PTPRD: variants seen among roughly 807,000 people sequenced by gnomAD.
PTPRD encodes the protein receptor-type tyrosine-protein phosphatase delta.
Under a neutral mutation model 214.5 loss-of-function variants are expected in PTPRD, and 34 were observed. That is an observed-to-expected ratio of 0.16 (90% CI 0.12 to 0.21). PTPRD has a LOEUF of 0.21. Ranked by LOEUF, PTPRD falls within the 10% of genes least tolerant of loss-of-function variation. The pLI is 1.00. For missense variants in PTPRD, 2,545 were observed against 2,398.7 expected (o/e 1.06, Z -1.27); for synonymous variants, 1,128 against 845.7 (o/e 1.33, Z -5.79).
At chr9:10,031,647 T>TATATATATATATATATATATAC in intron 4 of PTPRD, among the ~76,000 whole-genome samples, 14 of 89,642 alleles carry the variant, frequency 1.6e-4, no homozygotes, top group African/African-American at 2.4e-4. Context: ...TATATATATA[T>TATATATATATATATATATATAC]ACACACACAC....
intron 39 of PTPRD, among the ~76,000 whole-genome samples, chr9:8,373,884 ATCTATCTATCT>A (rs2082368710): frequency 1.4e-4 from 14 of 100,586 alleles, no homozygotes; most frequent in Non-Finnish European, 8.4e-5. Context: ...CTATCTATCT[ATCTATCTATCT>A]ATCTATCTAT....
At chr9:8,453,580 C>T (rs1217608180) in intron 33 of PTPRD, among the ~76,000 whole-genome samples, 1 of 152,230 alleles carries the variant, frequency 6.6e-6, no homozygotes, top group Non-Finnish European at 1.5e-5. Context: ...GAGATGTCCA[C>T]ACAAAGAAGA....
intron 11 of PTPRD, among the ~76,000 whole-genome samples, chr9:8,881,366 A>C (rs1215109424): frequency 6.6e-6 from 1 of 152,216 alleles, no homozygotes; most frequent in Admixed American, 6.5e-5. Context: ...ACTCACTTCT[A>C]ATATATCCAT....
chr9:9,651,207 G>A (rs997181958), intron 7 of PTPRD, among the ~76,000 whole-genome samples: 1 of 152,022 alleles, frequency 6.6e-6, no homozygotes, highest in Non-Finnish European at 1.5e-5. Context: ...TTTTGGCTGT[G>A]TGCATTTAAC....
At chr9:10,086,798 T>C (rs1428438815) in intron 3 of PTPRD, among the ~76,000 whole-genome samples, 2 of 151,846 alleles carry the variant, frequency 1.3e-5, no homozygotes, top group African/African-American at 4.8e-5. Context: ...TAATTTGCTT[T>C]CATTTCAGGA....
chr9:10,048,312 C>A (rs986548161), intron 3 of PTPRD, among the ~76,000 whole-genome samples: 1 of 152,068 alleles, frequency 6.6e-6, no homozygotes, highest in African/African-American at 2.4e-5. Flanking sequence ...AATAAGTACT[C>A]AAGACTCACT....
At chr9:9,068,868 C>T (rs1273153165) in intron 10 of PTPRD, among the ~76,000 whole-genome samples, 5 of 152,036 alleles carry the variant, frequency 3.3e-5, no homozygotes, top group Non-Finnish European at 2.9e-5. Context: ...CCTTGACCCC[C>T]CAAAGTATTT....
chr9:10,581,138 C>T (rs1005619880), intron 2 of PTPRD, among the ~76,000 whole-genome samples: 1 of 152,082 alleles, frequency 6.6e-6, no homozygotes, highest in Admixed American at 6.6e-5. Flanking sequence ...GGACAATATC[C>T]TTATCCCACA....
intron 11 of PTPRD, among the ~76,000 whole-genome samples, chr9:8,934,489 AT>A (rs2098981031): frequency 1.1e-4 from 1 of 9,476 alleles, no homozygotes; most frequent in African/African-American, 3.7e-4. Context: ...ATATATATAT[AT>A]ATAAATATAT....
chr9:9,536,120 A>T (rs984766270), intron 8 of PTPRD, among the ~76,000 whole-genome samples: 7 of 152,056 alleles, frequency 4.6e-5, no homozygotes, highest in African/African-American at 1.7e-4. Flanking sequence ...CCTAAGACAT[A>T]TCAAGATAAT....
intron 2 of PTPRD, among the ~76,000 whole-genome samples, chr9:10,572,572 T>C (rs1446732716): frequency 6.6e-6 from 1 of 152,166 alleles, no homozygotes; most frequent in African/African-American, 2.4e-5. Context: ...CATAAAGCTG[T>C]CAGCATGTAG....
chr9:9,734,892 A>G (rs778303863), intron 6 of PTPRD, among the ~76,000 whole-genome samples: 1 of 152,118 alleles, frequency 6.6e-6, no homozygotes, highest in Non-Finnish European at 1.5e-5. Flanking sequence ...TATTAAATGC[A>G]CTTGAAATTC....
intron 5 of PTPRD, among the ~76,000 whole-genome samples, chr9:9,885,302 T>A (rs575665965): frequency 2.0e-5 from 3 of 152,076 alleles, no homozygotes; most frequent in Non-Finnish European, 2.9e-5. Context: ...CAAAGTAAGA[T>A]AAGGCCAACG....
intron 37 of PTPRD, among the ~76,000 whole-genome samples, chr9:8,379,278 G>A (rs1440908286): frequency 6.6e-6 from 1 of 152,090 alleles, no homozygotes. Flanking sequence ...GGGATTAGAA[G>A]CTTTTCCTGA....
chr9:10,198,359 A>G (rs2099406236), intron 3 of PTPRD, among the ~76,000 whole-genome samples: 1 of 152,170 alleles, frequency 6.6e-6, no homozygotes, highest in Non-Finnish European at 1.5e-5. Context: ...GTGGTCAGGC[A>G]TGAATGATAG....
In PTPRD at chr9:9,894,191, C is replaced by T. The variant is rs368021492; in HGVS notation, c.-368+44316G>A. 6.2e-4 allele frequency among the ~76,000 whole-genome samples: 94 copies of T among 152,184 alleles called. 1 individual carries two copies. In the East Asian group the frequency reaches 8.9e-3, roughly 14 times the overall value. On this transcript the variant is annotated intron_variant, in intron 5 of 45. Coordinates refer to ENST00000381196, the MANE Select transcript of PTPRD (RefSeq NM_002839.4). ...TATCTATCATTTCTCCCCTAAACTC[C>T]TTCAACAGCCTCCTGGCTGGTCTCT... is the stretch of plus-strand genomic sequence containing the variant.
intron 8 of PTPRD, among the ~76,000 whole-genome samples, chr9:9,486,640 G>A (rs7468626): frequency 0.042 from 6,411 of 151,450 alleles, 156 homozygotes; most frequent in Non-Finnish European, 0.061. Flanking sequence ...ACCATATTCC[G>A]TCTACAAACA....
chr9:8,809,543 G>A (rs1463685501), intron 11 of PTPRD, among the ~76,000 whole-genome samples: 1 of 152,060 alleles, frequency 6.6e-6, no homozygotes, highest in Non-Finnish European at 1.5e-5. Context: ...CTCAACCACT[G>A]ACTATTTTCC....
rs537361352 is a variant in PTPRD at position 9,824,179 on chromosome 9, T to A, written c.-367-57328A>T. On this transcript the variant is annotated intron_variant, in intron 5 of 45. Coordinates refer to ENST00000381196, the MANE Select transcript of PTPRD (RefSeq NM_002839.4). ...AGGTATCTCATTATGTATTTGCAAG[T>A]TATCAAAAAAAAAATTCAGAAATCC... Among the ~76,000 whole-genome samples the A allele has an allele frequency of 4.2e-3, 488 of 116,898 alleles. 3 individuals carry two copies. Among genetic ancestry groups the A allele is most frequent in the Non-Finnish European group, 6.0e-3 (367 of 60,788 alleles). The allele number at this position is 116,898 out of a possible 152,430, so 76.7% of individuals were successfully genotyped here.
Sources: allele counts gnomAD v4.1 joint callset (sites outside exome capture counted in the v4.1 genomes callset), GRCh38; gene constraint gnomAD v4.1.1; transcripts MANE v1.5; gene names NCBI Gene and HGNC (gene_info 2026-07-23, HGNC 2026-07-21).